ZNF12: variants seen among roughly 807,000 people sequenced by gnomAD.
The protein encoded by ZNF12 is zinc finger protein 12, also known as gonadotropin inducible transcription repressor 3.
In ZNF12, 34 loss-of-function variants were observed where a neutral mutation model predicts 66.6. The observed-to-expected ratio is 0.51, with a 90% confidence interval of 0.39 to 0.68. ZNF12 has a LOEUF of 0.68. Ranked by LOEUF, ZNF12 falls within the 30% of genes least tolerant of loss-of-function variation. ZNF12 has a pLI of 0.00. For synonymous variants in ZNF12, 320 were observed against 278.9 expected (o/e 1.15, Z -1.47); for missense variants, 697 against 826.9 (o/e 0.84, Z 1.93).
In ZNF12 at chr7:6,697,459, C is replaced by T; in HGVS notation, c.143-25G>A. On this transcript the variant is annotated intron_variant, in intron 3 of 4. Transcript: ENST00000405858. This position sits in a 1 kb window ranked among gnomAD's most constrained non-coding sequence, Gnocchi z 6.1. ...CCTGTTAATGAGAAATGAAAGAGAA[C>T]TTGAGCCCAGGCCGGTTGGCTTCAG... 1 of 1,601,716 alleles carries T rather than the reference C, an allele frequency of 6.2e-7. No homozygotes were observed. The highest frequency in any genetic ancestry group is 8.5e-7 in the Non-Finnish European group (1 of 1,172,988).
In ZNF12 at chr7:6,697,596, C is replaced by T. The variant is rs1780173015; in HGVS notation, c.142+89G>A. ...CTGGTGCCCAAAAACAGATTACTCA[C>T]ATTCGTCCCATCAAATTTTAAGTTA... On this transcript the variant is annotated intron_variant, in intron 3 of 4. Coordinates refer to ENST00000405858, the MANE Select transcript of ZNF12 (RefSeq NM_016265.4). This position sits in a 1 kb window ranked among gnomAD's most constrained non-coding sequence, Gnocchi z 6.1. 4.4e-6 allele frequency: 7 copies of T among 1,585,978 alleles called. No individual in the cohort carries two copies. Among genetic ancestry groups the T allele is most frequent in the South Asian group, 1.2e-5 (1 of 86,890 alleles).
At position 6,705,731 on chromosome 7, in the gene ZNF12, C is replaced by A. The variant is rs1452872372; in HGVS notation, c.-50-508G>T. Among the ~76,000 whole-genome samples, 89 of 132,478 alleles carry A rather than the reference C, an allele frequency of 6.7e-4. No individual in the cohort carries two copies. The highest frequency in any genetic ancestry group is 2.0e-3 in the African/African-American group (70 of 35,342). The allele number at this position is 132,478 out of a possible 152,430, so 86.9% of individuals were successfully genotyped here. A position where few individuals can be genotyped will look rare whatever the true frequency, so the allele number is the denominator to read the frequency against. On this transcript the variant is annotated intron_variant, in intron 1 of 4. Coordinates refer to ENST00000405858, the MANE Select transcript of ZNF12 (RefSeq NM_016265.4). This position sits in a 1 kb window ranked among gnomAD's most constrained non-coding sequence, Gnocchi z 4.0. ...GAAACTTGTCTCAAAAACAAACAAA[C>A]AAACAAACAAAAAACAAACAACAAA...
rs1355783759 is a variant in ZNF12 at position 6,690,260 on chromosome 7, G to T, written c.*588C>A. The T allele has an allele frequency of 6.6e-6, 1 of 152,144 alleles. No homozygotes were observed. Among genetic ancestry groups the T allele is most frequent in the Non-Finnish European group, 1.5e-5 (1 of 68,032 alleles). The allele number at this position is 152,144 out of a possible 1,614,324, so 9.4% of individuals were successfully genotyped here. A position where few individuals can be genotyped will look rare whatever the true frequency, so the allele number is the denominator to read the frequency against. Reference sequence around the variant, plus strand: ...AAGGATACAACGTTTTTTCAAACATGATTCGAAGTGAACATACAATTCCTG... The same window carrying T: ...AAGGATACAACGTTTTTTCAAACATTATTCGAAGTGAACATACAATTCCTG... On this transcript the variant is annotated 3_prime_UTR_variant, in exon 5 of 5. Transcript: ENST00000405858.
At position 6,691,921 on chromosome 7, in the gene ZNF12, T is replaced by A; in HGVS notation, c.1021A>T (p.Ile341Phe). The A allele has an allele frequency of 6.2e-7, 1 of 1,614,196 alleles. No individual in the cohort carries two copies. The highest frequency in any genetic ancestry group is 8.5e-7 in the Non-Finnish European group (1 of 1,179,996). Residue 341 changes from isoleucine to phenylalanine, a missense_variant, in exon 5 of 5, where the codon ATT (isoleucine) becomes TTT (phenylalanine). By Grantham distance (21) the Ile-to-Phe change is conservative. Transcript: ENST00000405858. ...GKNFYQKLHL[I>F]QHQRTHSGEK... ...CCTGAGTGAGTTCTCTGATGCTGAA[T>A]GAGGTGTAACTTCTGGTAAAAGTTC... is the stretch of plus-strand genomic sequence containing the variant.
At position 6,705,308 on chromosome 7, in the gene ZNF12, A is replaced by C; in HGVS notation, c.-50-85T>G. 1.1e-6 allele frequency: 1 copy of C among 948,218 alleles called. No individual in the cohort carries two copies. Among genetic ancestry groups the C allele is most frequent in the Non-Finnish European group, 1.6e-6 (1 of 618,324 alleles). 58.7% of individuals were successfully genotyped at this position (948,218 alleles called of 1,614,324 possible). On this transcript the variant is annotated intron_variant, in intron 1 of 4. Transcript: ENST00000405858. This position sits in a 1 kb window ranked among gnomAD's most constrained non-coding sequence, Gnocchi z 4.0. Reference sequence around the variant, plus strand: ...TCTCCCGCCCAAAACCTACACAGAAAGTTCCAAGAAGTACATCTTGTGGGA... The same window carrying C: ...TCTCCCGCCCAAAACCTACACAGAACGTTCCAAGAAGTACATCTTGTGGGA...
rs1181287560 is a variant in ZNF12 at position 6,706,941 on chromosome 7, G to T, written c.-560C>A. On this transcript the variant is annotated 5_prime_UTR_variant, in exon 1 of 5. Coordinates refer to ENST00000405858, the MANE Select transcript of ZNF12 (RefSeq NM_016265.4). ...TGACCTGGGGACGCACAGGAAGCGA[G>T]GGCACTGCGGCCGCGGCGCGCATGC... is the stretch of plus-strand genomic sequence containing the variant. The T allele has an allele frequency of 2.5e-6, 1 of 403,644 alleles. No homozygotes were observed. Among genetic ancestry groups the T allele is most frequent in the African/African-American group, 2.2e-5 (1 of 45,500 alleles). 25.0% of individuals were successfully genotyped at this position (403,644 alleles called of 1,614,324 possible).
intron 4 of ZNF12, among the ~76,000 whole-genome samples, chr7:6,693,129 G>T (rs1175980949): frequency 6.6e-6 from 1 of 152,194 alleles, no homozygotes; most frequent in African/African-American, 2.4e-5. Flanking sequence ...GATTCATTTA[G>T]GGGGAGGTAA....
intron 1 of ZNF12, 133 bp downstream of exon 1, chr7:6,706,299 T>C: frequency 2.4e-6 from 1 of 421,428 alleles, no homozygotes; most frequent in Admixed American, 2.5e-5. Context: ...CGCCGGACCC[T>C]GCCTTCAAAC....
rs1180181153 is a variant in ZNF12, at chr7:6,697,305, G to A, written c.238+34C>T. 8 of 1,535,694 alleles carry A rather than the reference G, an allele frequency of 5.2e-6. No homozygotes were observed. The highest frequency in any genetic ancestry group is 7.1e-6 in the Non-Finnish European group (8 of 1,124,752). ...AAATCCCTGGGAAAAACACTCCCAA[G>A]TTACCGATCTCCTCACTGCCTCCAC... On this transcript the variant is annotated intron_variant, in intron 4 of 4. Coordinates refer to ENST00000405858, the MANE Select transcript of ZNF12 (RefSeq NM_016265.4). This position sits in a 1 kb window ranked among gnomAD's most constrained non-coding sequence, Gnocchi z 6.1.
chr7:6,693,317 AAGG>A (rs1163868295), intron 4 of ZNF12, among the ~76,000 whole-genome samples: 2 of 152,240 alleles, frequency 1.3e-5, no homozygotes, highest in African/African-American at 4.8e-5. Flanking sequence ...CTCATGTTTA[AAGG>A]AACAGCCCTA....
chr7:6,694,947 G>A (rs535821564), intron 4 of ZNF12, among the ~76,000 whole-genome samples: 11 of 151,758 alleles, frequency 7.2e-5, no homozygotes, highest in African/African-American at 2.4e-4. Flanking sequence ...TTTTTGAGAC[G>A]GAGTCTTGCT....
Position 6,690,511 on chromosome 7 carries a change from C to T in ZNF12, c.*337G>A, listed in dbSNP as rs62439698. 8.8e-3 allele frequency: 1,586 copies of T among 180,964 alleles called. 14 individuals are homozygous for T. Among genetic ancestry groups the T allele is most frequent in the Non-Finnish European group, 0.012 (1,088 of 87,342 alleles). The allele number at this position is 180,964 out of a possible 1,614,324, so 11.2% of individuals were successfully genotyped here. A position where few individuals can be genotyped will look rare whatever the true frequency, so the allele number is the denominator to read the frequency against. Reference sequence around the variant, plus strand: ...ACATATCTTTTAGTATTAACAGTTTCCAAAGGATTATGTCTTCCACATTCC... The same window carrying T: ...ACATATCTTTTAGTATTAACAGTTTTCAAAGGATTATGTCTTCCACATTCC... On this transcript the variant is annotated 3_prime_UTR_variant, in exon 5 of 5. Transcript: ENST00000405858.
At chr7:6,702,499 CACACA>C (rs1780268419) in intron 2 of ZNF12, among the ~76,000 whole-genome samples, 2 of 103,030 alleles carry the variant, frequency 1.9e-5, no homozygotes, top group Non-Finnish European at 3.8e-5. Context: ...CACACACACA[CACACA>C]CACAGATTTA....
Position 6,690,167 on chromosome 7 carries a change from C to G in ZNF12, c.*681G>C, listed in dbSNP as rs1340609181. On this transcript the variant is annotated 3_prime_UTR_variant, in exon 5 of 5. Coordinates refer to ENST00000405858, the MANE Select transcript of ZNF12 (RefSeq NM_016265.4). ...AGAGAAGAGTGCAAGAAAAAGTATA[C>G]TTTATACCTATCAAATGATATTAAT... 1 of 152,190 alleles carries G rather than the reference C, an allele frequency of 6.6e-6. No individual in the cohort carries two copies. The highest frequency in any genetic ancestry group is 1.5e-5 in the Non-Finnish European group (1 of 68,038). 9.4% of individuals were successfully genotyped at this position (152,190 alleles called of 1,614,324 possible).
chr7:6,695,635 A>T (rs1486344900), intron 4 of ZNF12, among the ~76,000 whole-genome samples: 3 of 152,262 alleles, frequency 2.0e-5, no homozygotes, highest in Non-Finnish European at 4.4e-5. Context: ...TACACACTAC[A>T]TCAAGGGATA....
intron 2 of ZNF12, among the ~76,000 whole-genome samples, chr7:6,704,481 C>A (rs1780313912): frequency 6.7e-6 from 1 of 148,696 alleles, no homozygotes; most frequent in Non-Finnish European, 1.5e-5. Context: ...GTAAGCTCAG[C>A]ACTTTGGGAG....
chr7:6,692,314 T>C lies in ZNF12; in HGVS notation c.628A>G (p.Ile210Val). Residue 210 changes from isoleucine to valine, a missense_variant, in exon 5 of 5, where the codon ATT becomes GTT. By Grantham distance (29) the Ile-to-Val change is conservative. This residue lies in a region of ZNF12 where 241 missense variants were observed against 224.0 expected (regional missense o/e 1.08). Transcript: ENST00000405858. This position sits in a 1 kb window ranked among gnomAD's most constrained non-coding sequence, Gnocchi z 5.1. ...TCAAAAGGTTTCTCCAAAATACGAA[T>C]TTTCTGATAAAGACTTTCTTCATTT... is the stretch of plus-strand genomic sequence containing the variant. ...TLNEESLYQKIRILEKPFEYI... is the reference protein window; with the variant it reads ...TLNEESLYQKVRILEKPFEYI... The C allele has an allele frequency of 1.9e-6, 3 of 1,609,806 alleles. No homozygotes were observed. Among genetic ancestry groups the C allele is most frequent in the Non-Finnish European group, 2.5e-6 (3 of 1,178,426 alleles).
At position 6,691,294 on chromosome 7, in the gene ZNF12, C is replaced by T. The variant is rs1486949325; in HGVS notation, c.1648G>A (p.Glu550Lys). The change falls in exon 5 of 5, where the codon GAA becomes AAA. Residue 550 changes from glutamate to lysine, a missense_variant. This residue lies in a region of ZNF12 where 401 missense variants were observed against 519.0 expected (regional missense o/e 0.77). Coordinates refer to ENST00000405858, the MANE Select transcript of ZNF12 (RefSeq NM_016265.4). The part of the protein sequence containing the change: ...RRIHKGEKPY[E>K]CYICGKFFSQ... ...AAGAATTTTCCACATATATAGCATT[C>T]ATAGGGCTTCTCTCCTTTGTGTATT... 2 of 1,613,898 alleles carry T rather than the reference C, an allele frequency of 1.2e-6. No homozygotes were observed. The highest frequency in any genetic ancestry group is 2.7e-5 in the African/African-American group (2 of 74,928).
chr7:6,695,313 T>G (rs1780138459), intron 4 of ZNF12, among the ~76,000 whole-genome samples: 1 of 152,252 alleles, frequency 6.6e-6, no homozygotes, highest in Non-Finnish European at 1.5e-5. Context: ...AAGCTGTTCT[T>G]AATCTGAATC....
Sources: gnomAD v4.1 joint callset for allele counts (sites outside exome capture counted in the v4.1 genomes callset) on GRCh38, gnomAD v4.1.1 for gene constraint, gnomAD v4.1.1 regional missense constraint, Gnocchi (gnomAD v3.1) non-coding constraint, MANE v1.5 for transcripts, NCBI Gene and HGNC (gene_info 2026-07-23, HGNC 2026-07-21) for gene names.